Variants in COTL1 observed in about 807,000 individuals in gnomAD.
The protein encoded by COTL1 is coactosin like F-actin binding protein 1.
Under a neutral mutation model 16.5 loss-of-function variants are expected in COTL1, and 15 were observed. That is an observed-to-expected ratio of 0.91 (90% CI 0.61 to 1.40). The LOEUF is 1.40. Ranked by LOEUF, COTL1 falls within the 40% of genes most tolerant of loss-of-function variation. The pLI is 0.00. For missense variants in COTL1, 220 were observed against 201.5 expected, an observed-to-expected ratio of 1.09 and a Z score of -0.56; for synonymous variants, 112 against 85.3, an observed-to-expected ratio of 1.31 and a Z score of -1.73.
chr16:84,585,692 T>C (rs558896426), intron 3 of COTL1, among the ~76,000 whole-genome samples: 16 of 152,278 alleles, frequency 1.1e-4, no homozygotes, highest in Non-Finnish European at 1.8e-4. Context: ...TGCCAGTCTC[T>C]GCATGGTTTT....
chr16:84,589,039 T>C (rs1644294512), intron 3 of COTL1, among the ~76,000 whole-genome samples: 1 of 152,168 alleles, frequency 6.6e-6, no homozygotes, highest in Non-Finnish European at 1.5e-5. Flanking sequence ...GGTGCGATCA[T>C]GGCTCACTGC....
At chr16:84,602,878 G>C (rs1905129465) in intron 2 of COTL1, among the ~76,000 whole-genome samples, 1 of 152,068 alleles carries the variant, frequency 6.6e-6, no homozygotes, top group African/African-American at 2.4e-5. Context: ...CATGGAAAGG[G>C]AAGGCCAAAA....
chr16:84,590,292 T>G lies in COTL1; in HGVS notation c.161-30A>C. 6.2e-7 allele frequency: 1 copy of G among 1,608,508 alleles called. No homozygotes were observed. The highest frequency in any genetic ancestry group is 8.5e-7 in the Non-Finnish European group (1 of 1,175,748). Reference sequence around the variant, plus strand: ...GGCCAAAAGCGAAAAGAGAACATGGTGCTGCGTTAAAACACCCCCATGTCA... The same window carrying G: ...GGCCAAAAGCGAAAAGAGAACATGGGGCTGCGTTAAAACACCCCCATGTCA... On this transcript the variant is annotated intron_variant, in intron 2 of 3. Transcript: ENST00000262428. This position sits in a 1 kb window ranked among gnomAD's most constrained non-coding sequence, Gnocchi z 5.5.
At chr16:84,580,039 G>A (rs561951444) in intron 3 of COTL1, among the ~76,000 whole-genome samples, 3 of 152,322 alleles carry the variant, frequency 2.0e-5, no homozygotes, top group South Asian at 2.1e-4. Flanking sequence ...GCACCACAGC[G>A]TCCGGAGGCC....
intron 2 of COTL1, among the ~76,000 whole-genome samples, chr16:84,591,653 A>C (rs1238382286): frequency 1.4e-5 from 2 of 144,488 alleles, no homozygotes; most frequent in Non-Finnish European, 1.5e-5. Context: ...AAAAAAAAAA[A>C]AAAAAAAAAA....
chr16:84,566,590 T>C lies in COTL1; in HGVS notation c.*255A>G, dbSNP rs751647301. On this transcript the variant is annotated 3_prime_UTR_variant, in exon 4 of 4. Coordinates refer to ENST00000262428, the MANE Select transcript of COTL1 (RefSeq NM_021149.5). ...GACCTTGCATCAAAATGACTTTTCT[T>C]TAGAACAAAAAAGAGGGGGAGAAAA... is the stretch of plus-strand genomic sequence containing the variant. 13 of 439,824 alleles carry C rather than the reference T, an allele frequency of 3.0e-5. No individual in the cohort carries two copies. The highest frequency in any genetic ancestry group is 4.1e-5 in the Non-Finnish European group (10 of 244,628). The allele number at this position is 439,824 out of a possible 1,614,324, so 27.2% of individuals were successfully genotyped here.
intron 3 of COTL1, among the ~76,000 whole-genome samples, chr16:84,573,313 G>C (rs1377090723): frequency 2.0e-5 from 3 of 152,248 alleles, no homozygotes; most frequent in African/African-American, 7.2e-5. Context: ...GGCCACACGT[G>C]GCCAGCAACA....
chr16:84,571,141 G>C (rs570832399), intron 3 of COTL1, among the ~76,000 whole-genome samples: 13 of 152,246 alleles, frequency 8.5e-5, no homozygotes, highest in Admixed American at 3.3e-4. Context: ...TCAGACATGA[G>C]CCTGTTGGCT....
chr16:84,595,856 TG>T (rs1392775365), intron 2 of COTL1: 1 of 151,986 alleles, frequency 6.6e-6, no homozygotes, highest in African/African-American at 2.4e-5. Context: ...TATATATGTG[TG>T]TATATATATT....
chr16:84,581,425 G>T (rs1011658577), intron 3 of COTL1, among the ~76,000 whole-genome samples: 1 of 152,200 alleles, frequency 6.6e-6, no homozygotes, highest in Non-Finnish European at 1.5e-5. Context: ...GGGAGCAGCA[G>T]CCTCGTAAAT....
chr16:84,581,629 G>C (rs929868370), intron 3 of COTL1, among the ~76,000 whole-genome samples: 3 of 152,092 alleles, frequency 2.0e-5, no homozygotes, highest in Non-Finnish European at 2.9e-5. Context: ...GCAGCCTCCG[G>C]AGTAGCTGGG....
chr16:84,586,471 T>C (rs1002527991), intron 3 of COTL1, among the ~76,000 whole-genome samples: 1 of 152,128 alleles, frequency 6.6e-6, no homozygotes. Flanking sequence ...AGGTTTCCTT[T>C]GGGGGTGATG....
Position 84,590,270 on chromosome 16 carries a change from CAAAAGCG to C in COTL1, c.161-15_161-9del, listed in dbSNP as rs774533118. 5 of 1,613,240 alleles carry C rather than the reference CAAAAGCG, an allele frequency of 3.1e-6. No homozygotes were observed. Among genetic ancestry groups the C allele is most frequent in the Admixed American group, 3.3e-5 (2 of 59,938 alleles). ...CAAACAACCGGACGTCATCTGTGGCCAAAAGCGAAAAGAGAACATGGTGCTGCGTTAA... is the reference window on the plus strand; with the variant it reads ...CAAACAACCGGACGTCATCTGTGGCCAAAAGAGAACATGGTGCTGCGTTAA... On this transcript the variant is annotated splice_polypyrimidine_tract_variant and intron_variant, in intron 2 of 3. Transcript: ENST00000262428. The surrounding 1 kb of genome is among the most constrained non-coding windows in gnomAD (Gnocchi z 5.5).
chr16:84,607,564 C>T (rs543515255), intron 2 of COTL1, among the ~76,000 whole-genome samples: 2 of 152,162 alleles, frequency 1.3e-5, no homozygotes, highest in South Asian at 2.1e-4. Context: ...AGAGCTCCTA[C>T]GTAGGGCCTG....
chr16:84,600,046 T>A (rs1028232008), intron 2 of COTL1, among the ~76,000 whole-genome samples: 9 of 152,114 alleles, frequency 5.9e-5, no homozygotes, highest in African/African-American at 2.2e-4. Context: ...AGGCTGGGGC[T>A]GGAAGGGGCC....
intron 3 of COTL1, among the ~76,000 whole-genome samples, chr16:84,573,169 A>T (rs1904369758): frequency 6.6e-6 from 1 of 152,216 alleles, no homozygotes; most frequent in Admixed American, 6.5e-5. Flanking sequence ...CATTTCCACA[A>T]TGTAATCAAT....
chr16:84,618,015 G>A lies in COTL1; in HGVS notation c.-101C>T, dbSNP rs928458516. ...GCGGGTACGCGCCGAGGGCGCACGG[G>A]CTGGCGGCGGTGGCGACGGCTACGC... is the stretch of plus-strand genomic sequence containing the variant. On this transcript the variant is annotated 5_prime_UTR_variant, in exon 1 of 4. Coordinates refer to ENST00000262428, the MANE Select transcript of COTL1 (RefSeq NM_021149.5). 2.2e-5 allele frequency: 15 copies of A among 685,022 alleles called. No individual in the cohort carries two copies. Among genetic ancestry groups the A allele is most frequent in the South Asian group, 6.8e-5 (1 of 14,684 alleles). The allele number at this position is 685,022 out of a possible 1,614,324, so 42.4% of individuals were successfully genotyped here.
chr16:84,582,066 C>A (rs910484509), intron 3 of COTL1, among the ~76,000 whole-genome samples: 1 of 143,872 alleles, frequency 7.0e-6, no homozygotes, highest in Non-Finnish European at 1.5e-5. Flanking sequence ...CGGCTCACTG[C>A]AACCTCTGCC....
chr16:84,609,774 C>T (rs1006212338), intron 2 of COTL1, among the ~76,000 whole-genome samples: 4 of 138,758 alleles, frequency 2.9e-5, no homozygotes, highest in Non-Finnish European at 6.6e-5. Flanking sequence ...GGGCTTCCCC[C>T]TTCACTTGGC....
Sources: allele counts gnomAD v4.1 joint callset (sites outside exome capture counted in the v4.1 genomes callset), GRCh38; gene constraint gnomAD v4.1.1; non-coding constraint Gnocchi (gnomAD v3.1); transcripts MANE v1.5; gene names NCBI Gene and HGNC (gene_info 2026-07-23, HGNC 2026-07-21).